The following COL4A6 variants were observed in gnomAD, a reference collection of about 807,000 sequenced individuals.
COL4A6 encodes the protein collagen type IV alpha 6 chain, also known as collagen alpha-6(IV) chain.
Under a neutral mutation model 126.7 loss-of-function variants are expected in COL4A6, and 59 were observed. That is an observed-to-expected ratio of 0.47 (90% CI 0.38 to 0.58). The LOEUF is 0.58. COL4A6 is among the 20% of genes least tolerant of loss of function. The probability of loss-of-function intolerance (pLI) is 0.00; values close to 1 mark genes in which losing one functional copy is unlikely to be tolerated. For synonymous variants in COL4A6, 547 were observed against 496.6 expected (o/e 1.10, Z -1.35); for missense variants, 1,285 against 1,337.3 (o/e 0.96, Z 0.61).
chrX:108,252,990 G>A (rs1309779715), intron 3 of COL4A6, among the ~76,000 whole-genome samples: 2 of 111,220 alleles, frequency 1.8e-5, no homozygotes. Context: ...TAGAAGGAAT[G>A]TACCTCAACG....
At chrX:108,161,905 T>C (rs886718846) in intron 41 of COL4A6, among the ~76,000 whole-genome samples, 170 bp from the exon 42 acceptor site, 2 of 112,509 alleles carry the variant, frequency 1.8e-5, no homozygotes, top group Non-Finnish European at 3.8e-5. Context: ...CTGGGCTAGT[T>C]CTTAGTTCAT....
intron 5 of COL4A6, 94 bp downstream of exon 5, chrX:108,219,604 T>TGCATGAGAC (rs1174597571): frequency 2.8e-5 from 22 of 779,226 alleles, no homozygotes; most frequent in Middle Eastern, 2.8e-4. Flanking sequence ...TGAGCATGCT[T>TGCATGAGAC]GCATGAGACA....
intron 3 of COL4A6, among the ~76,000 whole-genome samples, chrX:108,292,775 T>C (rs2038194249): frequency 9.2e-6 from 1 of 108,473 alleles, no homozygotes; most frequent in Non-Finnish European, 1.9e-5. Flanking sequence ...TCAGCCCCCA[T>C]CTCAGCCTCT....
rs755915916 is a variant in COL4A6 at position 108,157,962 on chromosome X, G to A, written c.4813-702C>T. ...TAGGGAAGAGGCCTAATACACAACCGTGTCAGCAAATGGCCAATGAGACAA... is the reference window on the plus strand; with the variant it reads ...TAGGGAAGAGGCCTAATACACAACCATGTCAGCAAATGGCCAATGAGACAA... On this transcript the variant is annotated intron_variant, in intron 44 of 44. Transcript: ENST00000334504. 4.5e-5 allele frequency among the ~76,000 whole-genome samples: 5 copies of A among 112,124 alleles called. No homozygotes were observed. In the South Asian group the frequency reaches 1.1e-3, roughly 25 times the overall value.
chrX:108,335,937 T>C (rs2039421845), intron 2 of COL4A6, among the ~76,000 whole-genome samples: 1 of 111,293 alleles, frequency 9.0e-6, no homozygotes. Context: ...AACAACCCTA[T>C]TCAGCAGATG....
intron 9 of COL4A6, 118 bp downstream of exon 9, chrX:108,206,400 G>C: frequency 1.4e-6 from 1 of 691,348 alleles, no homozygotes; most frequent in African/African-American, 2.1e-5. Flanking sequence ...AAGAATGGAG[G>C]TTGCCCTTGC....
chrX:108,359,168 C>T (rs890732285), intron 2 of COL4A6, among the ~76,000 whole-genome samples: 6 of 112,333 alleles, frequency 5.3e-5, no homozygotes, highest in African/African-American at 9.7e-5. Context: ...TTCTCCACCT[C>T]GTAAAAAATG....
chrX:108,297,964 C>T (rs761645288), intron 3 of COL4A6, among the ~76,000 whole-genome samples: 10 of 108,253 alleles, frequency 9.2e-5, no homozygotes, highest in Non-Finnish European at 1.5e-4. Flanking sequence ...TGTGTGAGTA[C>T]ACACACCACA....
chrX:108,425,984 C>T (rs2064077342), intron 2 of COL4A6, among the ~76,000 whole-genome samples: 1 of 111,122 alleles, frequency 9.0e-6, no homozygotes, highest in Non-Finnish European at 1.9e-5. Context: ...CAACAGCAAC[C>T]TCAACATCAG....
At chrX:108,240,831 G>C (rs2036552673) in intron 3 of COL4A6, among the ~76,000 whole-genome samples, 1 of 112,358 alleles carries the variant, frequency 8.9e-6, no homozygotes, top group African/African-American at 3.2e-5. Flanking sequence ...AAACAGAGGG[G>C]AGAGGAAAAA....
intron 3 of COL4A6, among the ~76,000 whole-genome samples, chrX:108,224,816 T>C (rs1292258553): frequency 9.0e-6 from 1 of 111,206 alleles, no homozygotes; most frequent in Non-Finnish European, 1.9e-5. Context: ...ACTAAATCAG[T>C]GGTGAATTCC....
Position 108,169,557 on chromosome X carries a change from T to C in COL4A6, c.3629A>G (p.Tyr1210Cys). 8.3e-7 allele frequency: 1 copy of C among 1,211,724 alleles called. No individual in the cohort carries two copies. The highest frequency in any genetic ancestry group is 1.1e-6 in the Non-Finnish European group (1 of 895,489). ...TGGAGCTCCGATGCCAATTCCTGGA[T>C]ATCCTTTTTCTCCTTTGGGTCCAGG... Reference protein sequence around the residue: ...GLPGPKGEKGYPGIGIGAPGK... With the variant: ...GLPGPKGEKGCPGIGIGAPGK... Residue 1210 changes from tyrosine to cysteine, a missense_variant, in exon 37 of 45, where the codon TAT (tyrosine) becomes TGT (cysteine). Tyr to Cys is a radical substitution (Grantham distance 194). Transcript: ENST00000334504.
At chrX:108,384,587 G>A (rs1002240624) in intron 2 of COL4A6, among the ~76,000 whole-genome samples, 2 of 111,767 alleles carry the variant, frequency 1.8e-5, no homozygotes, top group African/African-American at 6.5e-5. Flanking sequence ...GGCTCATAGT[G>A]GCAAGCTTTT....
intron 2 of COL4A6, among the ~76,000 whole-genome samples, chrX:108,390,676 T>C (rs1444461986): frequency 9.1e-6 from 1 of 110,410 alleles, no homozygotes; most frequent in Non-Finnish European, 1.9e-5. Flanking sequence ...GTTTAGAACA[T>C]GCATCTTTAG....
At chrX:108,421,586 A>G (rs1334124366) in intron 2 of COL4A6, among the ~76,000 whole-genome samples, 1 of 112,486 alleles carries the variant, frequency 8.9e-6, no homozygotes, top group Non-Finnish European at 1.9e-5. Context: ...GTGGCAGAAA[A>G]GTATATGCAC....
chrX:108,279,690 AT>A (rs1166247863), intron 3 of COL4A6, among the ~76,000 whole-genome samples: 1 of 111,585 alleles, frequency 9.0e-6, no homozygotes, highest in Non-Finnish European at 1.9e-5. Flanking sequence ...CAGAAAATAC[AT>A]TTTTTTCAGC....
chrX:108,280,490 T>A lies in COL4A6; in HGVS notation c.144+30258A>T, dbSNP rs1204329771. 2.7e-5 allele frequency among the ~76,000 whole-genome samples: 3 copies of A among 111,936 alleles called. No homozygotes were observed. The East Asian group carries it at 8.5e-4, about 32-fold the overall frequency. On this transcript the variant is annotated intron_variant, in intron 3 of 44. Transcript: ENST00000334504. ...AGACCAATAACAGGCTCTGAAATTG[T>A]GGCAATAATCAATAGCTTACTGACC... is the stretch of plus-strand genomic sequence containing the variant.
At chrX:108,398,411 C>T (rs924942838) in intron 2 of COL4A6, among the ~76,000 whole-genome samples, 40 of 111,615 alleles carry the variant, frequency 3.6e-4, no homozygotes, top group African/African-American at 1.2e-3. Context: ...TCCTTAAATG[C>T]ATAAACTAAA....
rs187255050 is a variant in COL4A6 at position 108,253,064 on chromosome X, C to T, written c.145-31690G>A. On this transcript the variant is annotated intron_variant, in intron 3 of 44. Coordinates refer to ENST00000334504, the MANE Select transcript of COL4A6 (RefSeq NM_033641.4). The stretch of plus-strand genomic sequence containing the variant: ...ATGCTGAATGAAAAAAAGTTGAAAG[C>T]TTTCCCTTAAAAATCTGGAACAAGA... Among the ~76,000 whole-genome samples, 756 of 111,664 alleles carry T rather than the reference C, an allele frequency of 6.8e-3. 3 individuals are homozygous for T. The highest frequency in any genetic ancestry group is 0.023 in the African/African-American group (705 of 30,810).
Sources: allele counts gnomAD v4.1 joint callset (sites outside exome capture counted in the v4.1 genomes callset), GRCh38; gene constraint gnomAD v4.1.1; transcripts MANE v1.5; gene names NCBI Gene and HGNC (gene_info 2026-07-23, HGNC 2026-07-21).